DPP6: variants seen among roughly 807,000 people sequenced by gnomAD.
The protein encoded by DPP6 is A-type potassium channel modulatory protein DPP6.
A neutral mutation model predicts 122.6 loss-of-function variants in DPP6; 69 were observed. The observed-to-expected ratio is 0.56, with a 90% CI of 0.46 to 0.69. The LOEUF (loss-of-function observed/expected upper bound fraction) is 0.69, where lower values mean the gene tolerates loss of function less well. Among genes scored for constraint, DPP6 ranks in the 30% least tolerant of loss-of-function variants. The probability of loss-of-function intolerance (pLI) is 0.00; values close to 1 mark genes in which losing one functional copy is unlikely to be tolerated. For missense variants in DPP6, 928 were observed against 1,116.9 expected (o/e 0.83, Z 2.41); for synonymous variants, 418 against 433.1 (o/e 0.97, Z 0.43).
At chr7:153,934,321 T>C (rs1801324118) in intron 1 of DPP6, among the ~76,000 whole-genome samples, 1 of 151,444 alleles carries the variant, frequency 6.6e-6, no homozygotes, top group South Asian at 2.1e-4. Context: ...TCTGCAGGGG[T>C]GTGAAAGCGC....
Position 154,060,760 on chromosome 7 carries a change from C to A in DPP6, c.243+7697C>A, listed in dbSNP as rs1467520539. Among the ~76,000 whole-genome samples, 3 of 137,974 alleles carry A rather than the reference C, an allele frequency of 2.2e-5. 1 individual carries two copies. Among genetic ancestry groups the A allele is most frequent in the Non-Finnish European group, 4.8e-5 (3 of 63,154 alleles). The allele number at this position is 137,974 out of a possible 152,430, so 90.5% of individuals were successfully genotyped here. A position where few individuals can be genotyped will look rare whatever the true frequency, so the allele number is the denominator to read the frequency against. ...CGAGGCAGGGACTGAGAGCCAGTCCCTCTTCCCCCCCTGGCTCTTAGGACG... is the reference window on the plus strand; with the variant it reads ...CGAGGCAGGGACTGAGAGCCAGTCCATCTTCCCCCCCTGGCTCTTAGGACG... On this transcript the variant is annotated intron_variant, in intron 1 of 25. Transcript: ENST00000377770.
intron 1 of DPP6, among the ~76,000 whole-genome samples, chr7:154,415,425 T>A (rs75058183): frequency 0.048 from 7,311 of 152,180 alleles, 547 homozygotes; most frequent in African/African-American, 0.16. Flanking sequence ...TCCTCAAGCA[T>A]GCTTAAATTT....
chr7:153,912,032 A>AT (rs1800111859), intron 1 of DPP6, among the ~76,000 whole-genome samples: 2 of 152,158 alleles, frequency 1.3e-5, no homozygotes. Context: ...GCTAACACAA[A>AT]TTGTCTTTAT....
At chr7:154,381,401 CAT>C (rs1224205105) in intron 1 of DPP6, among the ~76,000 whole-genome samples, 2 of 152,214 alleles carry the variant, frequency 1.3e-5, no homozygotes, top group African/African-American at 2.4e-5. Flanking sequence ...TTGATCAACT[CAT>C]ATACACCTAC....
At chr7:154,062,098 AG>A (rs1802056000) in intron 1 of DPP6, among the ~76,000 whole-genome samples, 3 of 77,960 alleles carry the variant, frequency 3.8e-5, no homozygotes, top group African/African-American at 1.0e-4. Context: ...CCCATCGCAG[AG>A]GGGGGACGCA....
intron 3 of DPP6, among the ~76,000 whole-genome samples, chr7:154,511,208 T>TA (rs1435960036): frequency 1.3e-5 from 2 of 152,218 alleles, no homozygotes; most frequent in African/African-American, 4.8e-5. Context: ...TGGGATAACA[T>TA]AAAAATAACT....
intron 1 of DPP6, among the ~76,000 whole-genome samples, chr7:154,053,713 T>G (rs1800588573): frequency 6.6e-6 from 1 of 152,110 alleles, no homozygotes; most frequent in Admixed American, 6.5e-5. Flanking sequence ...CTGAGAGCCC[T>G]CAGGCCGTGT....
intron 1 of DPP6, among the ~76,000 whole-genome samples, chr7:153,916,157 T>G (rs1800303675): frequency 6.6e-6 from 1 of 151,470 alleles, no homozygotes; most frequent in South Asian, 2.1e-4. Flanking sequence ...GTATTTTTAG[T>G]AGAGATGGGG....
intron 3 of DPP6, among the ~76,000 whole-genome samples, chr7:154,534,579 AAACT>A (rs1828089192): frequency 6.6e-6 from 1 of 152,176 alleles, no homozygotes; most frequent in Non-Finnish European, 1.5e-5. Flanking sequence ...TTATAATTAC[AAACT>A]AACAAATAAT....
At chr7:154,140,442 A>G (rs1425436883) in intron 1 of DPP6, among the ~76,000 whole-genome samples, 1 of 152,022 alleles carries the variant, frequency 6.6e-6, no homozygotes, top group East Asian at 1.9e-4. Flanking sequence ...AGCTTCTCTT[A>G]GGAATCCATT....
rs1479523542 is a variant in DPP6 at position 154,794,198 on chromosome 7, C to T, written c.1256C>T (p.Thr419Met). The T allele has an allele frequency of 1.9e-6, 3 of 1,607,338 alleles. No individual in the cohort carries two copies. Among genetic ancestry groups the T allele is most frequent in the Non-Finnish European group, 2.6e-6 (3 of 1,176,382 alleles). ...TGCGACGCCACCACGGGGGTCTGCA[C>T]GAAGGTACGCGGGGCTGTGGGGGTG... ...TLCDATTGVC[T>M]KKHEDESEAW... Residue 419 changes from threonine to methionine, a missense_variant, in exon 11 of 26, where the codon ACG (threonine) becomes ATG (methionine). By Grantham distance (81) the Thr-to-Met change is moderately conservative. Transcript: ENST00000377770.
chr7:154,022,443 G>C (rs1798748635), intron 1 of DPP6, among the ~76,000 whole-genome samples: 1 of 152,210 alleles, frequency 6.6e-6, no homozygotes, highest in African/African-American at 2.4e-5. Flanking sequence ...GAAGAAACTG[G>C]AGAATGTGAA....
intron 1 of DPP6, among the ~76,000 whole-genome samples, chr7:154,110,528 G>C (rs1433320350): frequency 1.3e-5 from 2 of 152,150 alleles, no homozygotes; most frequent in Non-Finnish European, 2.9e-5. Context: ...GAAAAACACA[G>C]ACACATCAGA....
At position 154,483,221 on chromosome 7, in the gene DPP6, G is replaced by A. The variant is rs568612047; in HGVS notation, c.457+8184G>A. On this transcript the variant is annotated intron_variant, in intron 3 of 25. Transcript: ENST00000377770. This position sits in a 1 kb window ranked among gnomAD's most constrained non-coding sequence, Gnocchi z 8.1. ...GCTCTAGGCGAGTTAGTGTGCTGCCGATTTTGTAACGGCAGATGTAAATGA... is the reference window on the plus strand; with the variant it reads ...GCTCTAGGCGAGTTAGTGTGCTGCCAATTTTGTAACGGCAGATGTAAATGA... Among the ~76,000 whole-genome samples the A allele has an allele frequency of 9.2e-5, 14 of 152,254 alleles. No homozygotes were observed. In the South Asian group the frequency reaches 2.1e-3, roughly 23 times the overall value.
At chr7:153,831,801 C>T in the DPP6 span, among the ~76,000 whole-genome samples, 160 of 152,228 alleles carry the variant, frequency 1.1e-3, no homozygotes, top group African/African-American at 3.8e-3. Context: ...TTGCAGACCT[C>T]GGGCCAAAGA....
At chr7:153,899,214 T>TCTC (rs1194726012) in intron 1 of DPP6, among the ~76,000 whole-genome samples, 3 of 151,328 alleles carry the variant, frequency 2.0e-5, no homozygotes, top group Non-Finnish European at 4.4e-5. Flanking sequence ...TCCTCCTCCT[T>TCTC]CTCCTCCTCC....
chr7:154,532,574 G>C (rs79098160), intron 3 of DPP6, among the ~76,000 whole-genome samples: 1 of 152,026 alleles, frequency 6.6e-6, no homozygotes, highest in African/African-American at 2.4e-5. Context: ...AATAAAATTG[G>C]TAAATATCCA....
At chr7:154,608,200 T>C (rs867381905) in intron 5 of DPP6, among the ~76,000 whole-genome samples, 2 of 151,224 alleles carry the variant, frequency 1.3e-5, no homozygotes, top group African/African-American at 2.4e-5. Context: ...AGGATGGTCT[T>C]GATCTCCTGA....
intron 1 of DPP6, among the ~76,000 whole-genome samples, chr7:154,181,444 A>C (rs1339348513): frequency 6.6e-6 from 1 of 152,056 alleles, no homozygotes; most frequent in Non-Finnish European, 1.5e-5. Context: ...GTAAGACATG[A>C]CCCTCTCCAA....
Sources: allele counts gnomAD v4.1 joint callset (sites outside exome capture counted in the v4.1 genomes callset), GRCh38; gene constraint gnomAD v4.1.1; non-coding constraint Gnocchi (gnomAD v3.1); transcripts MANE v1.5; gene names NCBI Gene and HGNC (gene_info 2026-07-23, HGNC 2026-07-21).